The following KCNJ15 variants were observed in gnomAD, a reference collection of about 807,000 sequenced individuals.
KCNJ15 encodes the protein potassium inwardly rectifying channel subfamily J member 15.
KCNJ15 carries 14 observed loss-of-function variants against 23.0 expected under a neutral mutation model. The observed-to-expected ratio is 0.61, with a 90% CI of 0.40 to 0.95. KCNJ15 has a LOEUF of 0.95. Among genes scored for constraint, KCNJ15 ranks in the 40% least tolerant of loss-of-function variants. The pLI is 0.00. For missense variants in KCNJ15, 388 were observed against 461.8 expected, an observed-to-expected ratio of 0.84 and a Z score of 1.46; for synonymous variants, 185 against 183.2, an observed-to-expected ratio of 1.01 and a Z score of -0.08.
In KCNJ15 at chr21:38,301,746, C is replaced by A. The variant is rs545365779; in HGVS notation, c.*1357C>A. The stretch of plus-strand genomic sequence containing the variant: ...CATACCAAGAGGTAACATTTTGCCC[C>A]GGGCCAAATTCAGGGGTCTAGTGCC... On this transcript the variant is annotated 3_prime_UTR_variant, in exon 3 of 3. Coordinates refer to ENST00000398938, the MANE Select transcript of KCNJ15 (RefSeq NM_170736.3). 6.0e-6 allele frequency: 1 copy of A among 166,994 alleles called. No individual in the cohort carries two copies. Among genetic ancestry groups the A allele is most frequent in the Non-Finnish European group, 1.5e-5 (1 of 68,088 alleles). 10.3% of individuals were successfully genotyped at this position (166,994 alleles called of 1,614,324 possible).
intron 1 of KCNJ15, among the ~76,000 whole-genome samples, chr21:38,242,177 G>A (rs1198236148): frequency 3.3e-5 from 5 of 152,054 alleles, no homozygotes; most frequent in African/African-American, 1.2e-4. Flanking sequence ...TTTGTTTTGT[G>A]CAGGCAAGAC....
At chr21:38,288,026 C>CTATTTTTTTTTTTTTTTTTTTT (rs1984109386) in intron 1 of KCNJ15, among the ~76,000 whole-genome samples, 1 of 78,170 alleles carries the variant, frequency 1.3e-5, no homozygotes, top group Non-Finnish European at 2.3e-5. Flanking sequence ...TTGTTTTTTT[C>CTATTTTTTTTTTTTTTTTTTTT]TTTGTTTTTT....
Position 38,289,770 on chromosome 21 carries a change from A to G in KCNJ15, c.-116-7156A>G, listed in dbSNP as rs1984387624. Reference sequence around the variant, plus strand: ...AAGAAAATTGAGCAGTGCATTACGGAGGCTGACACAGTACAATTCGCCTCC... The same window carrying G: ...AAGAAAATTGAGCAGTGCATTACGGGGGCTGACACAGTACAATTCGCCTCC... On this transcript the variant is annotated intron_variant, in intron 1 of 2. Coordinates refer to ENST00000398938, the MANE Select transcript of KCNJ15 (RefSeq NM_170736.3). Among the ~76,000 whole-genome samples the G allele has an allele frequency of 3.3e-5, 5 of 152,274 alleles. No homozygotes were observed. The South Asian group carries it at 1.0e-3, about 32-fold the overall frequency.
chr21:38,246,961 A>C (rs978714327), intron 1 of KCNJ15, among the ~76,000 whole-genome samples: 8 of 152,220 alleles, frequency 5.3e-5, no homozygotes, highest in Non-Finnish European at 2.9e-5. Flanking sequence ...AGAGAGGAAA[A>C]GTCATTTAAT....
chr21:38,261,128 C>G (rs1208193582), intron 1 of KCNJ15, among the ~76,000 whole-genome samples: 2 of 152,128 alleles, frequency 1.3e-5, no homozygotes, highest in Non-Finnish European at 2.9e-5. Context: ...ACCCAGGTGC[C>G]TGGGTTTGGG....
At chr21:38,231,987 G>A (rs567454723) in intron 1 of KCNJ15, among the ~76,000 whole-genome samples, 16 of 151,774 alleles carry the variant, frequency 1.1e-4, no homozygotes, top group Middle Eastern at 3.4e-3. Flanking sequence ...GCTAGGAATT[G>A]TTTTCTATTT....
At chr21:38,241,157 A>G (rs1401274964) in intron 1 of KCNJ15, among the ~76,000 whole-genome samples, 2 of 152,242 alleles carry the variant, frequency 1.3e-5, no homozygotes, top group African/African-American at 4.8e-5. Context: ...TTCTAACAGC[A>G]TAATCAGTTC....
At chr21:38,273,864 G>A (rs1366578923) in intron 1 of KCNJ15, among the ~76,000 whole-genome samples, 1 of 152,234 alleles carries the variant, frequency 6.6e-6, no homozygotes, top group African/African-American at 2.4e-5. Flanking sequence ...TTTTACAGAT[G>A]AGGAAAACAG....
At chr21:38,259,263 T>C (rs1482151095) in intron 1 of KCNJ15, among the ~76,000 whole-genome samples, 2 of 152,204 alleles carry the variant, frequency 1.3e-5, no homozygotes, top group African/African-American at 4.8e-5. Context: ...GGATTGCTTA[T>C]GAAATGTATT....
At position 38,299,250 on chromosome 21, in the gene KCNJ15, C is replaced by T; in HGVS notation, c.-12C>T. The T allele has an allele frequency of 1.2e-6, 2 of 1,601,838 alleles. No homozygotes were observed. Among genetic ancestry groups the T allele is most frequent in the Admixed American group, 1.7e-5 (1 of 58,700 alleles). The stretch of plus-strand genomic sequence containing the variant: ...TCTTTGTCATTTCTCTAAGTGTTTC[C>T]AGAGCCTGGCAATGGATGCCATTCA... On this transcript the variant is annotated 5_prime_UTR_variant, in exon 3 of 3. Coordinates refer to ENST00000398938, the MANE Select transcript of KCNJ15 (RefSeq NM_170736.3). This position sits in a 1 kb window ranked among gnomAD's most constrained non-coding sequence, Gnocchi z 4.5.
intron 1 of KCNJ15, among the ~76,000 whole-genome samples, chr21:38,246,172 A>G (rs568305136): frequency 2.0e-5 from 3 of 152,380 alleles, no homozygotes; most frequent in African/African-American, 7.2e-5. Context: ...CCTTCAACAA[A>G]TAGCAGCTGT....
intron 1 of KCNJ15, among the ~76,000 whole-genome samples, chr21:38,248,840 T>C (rs1173321906): frequency 6.6e-6 from 1 of 152,196 alleles, no homozygotes; most frequent in Non-Finnish European, 1.5e-5. Context: ...ACCATGGAGC[T>C]GCATTCCCTG....
upstream of KCNJ15, among the ~76,000 whole-genome samples, chr21:38,252,227 T>C (rs919854821): frequency 1.3e-5 from 2 of 152,222 alleles, no homozygotes; most frequent in Admixed American, 1.3e-4. Flanking sequence ...GCTCTTCATT[T>C]TTCCTGGAAT....
chr21:38,264,060 T>C (rs1981208443), intron 1 of KCNJ15, among the ~76,000 whole-genome samples: 1 of 152,218 alleles, frequency 6.6e-6, no homozygotes, highest in African/African-American at 2.4e-5. Context: ...AATCTTACTT[T>C]TGAGCTCAAC....
chr21:38,288,026 CTTTGTTT>C lies in KCNJ15; in HGVS notation c.-116-8896_-116-8890del, dbSNP rs1212134791. 1.2e-3 allele frequency among the ~76,000 whole-genome samples: 93 copies of C among 78,202 alleles called. 22 individuals carry two copies. The highest frequency in any genetic ancestry group is 2.2e-3 in the Admixed American group (11 of 4,958). 51.3% of individuals were successfully genotyped at this position (78,202 alleles called of 152,430 possible). A position where few individuals can be genotyped will look rare whatever the true frequency, so the allele number is the denominator to read the frequency against. On this transcript the variant is annotated intron_variant, in intron 1 of 2. Coordinates refer to ENST00000398938, the MANE Select transcript of KCNJ15 (RefSeq NM_170736.3). ...CCATTGTTAAATAACTTGTTTTTTT[CTTTGTTT>C]TTTTTTTTTTTTTTTTTTTTTTTTT...
At chr21:38,281,874 T>C (rs1569006534) in intron 1 of KCNJ15, among the ~76,000 whole-genome samples, 1 of 151,904 alleles carries the variant, frequency 6.6e-6, no homozygotes, top group Non-Finnish European at 1.5e-5. Context: ...TGGACTAATT[T>C]ACATTTCCAT....
chr21:38,256,379 T>TATAA (rs1555882103), upstream of KCNJ15, among the ~76,000 whole-genome samples: 5 of 118,096 alleles, frequency 4.2e-5, no homozygotes, highest in African/African-American at 3.0e-4. Context: ...TATATATATA[T>TATAA]AATATTTATC....
At chr21:38,269,147 A>T (rs1307867016) in intron 1 of KCNJ15, 2 of 152,236 alleles carry the variant, frequency 1.3e-5, no homozygotes, top group East Asian at 3.8e-4. Flanking sequence ...ATCAGTAGGG[A>T]ATGAGCATTC....
intron 1 of KCNJ15, among the ~76,000 whole-genome samples, chr21:38,248,619 C>A (rs965895419): frequency 3.9e-5 from 6 of 152,162 alleles, no homozygotes; most frequent in African/African-American, 1.2e-4. Flanking sequence ...TGCATACATT[C>A]TAGTGAAAAC....
Sources: allele counts gnomAD v4.1 joint callset (sites outside exome capture counted in the v4.1 genomes callset), GRCh38; gene constraint gnomAD v4.1.1; non-coding constraint Gnocchi (gnomAD v3.1); transcripts MANE v1.5; gene names NCBI Gene and HGNC (gene_info 2026-07-23, HGNC 2026-07-21).